Variants in SEM1 observed in about 807,000 individuals in gnomAD.
SEM1 encodes the protein SEM1 26S proteasome subunit.
Under a neutral mutation model 12.7 loss-of-function variants are expected in SEM1, and 3 were observed. The observed-to-expected ratio is 0.24, with a 90% CI of 0.11 to 0.61. The LOEUF (loss-of-function observed/expected upper bound fraction) is 0.61, where lower values mean the gene tolerates loss of function less well. Ranked by LOEUF, SEM1 falls within the 20% of genes least tolerant of loss-of-function variation. SEM1 has a pLI of 0.88. For synonymous variants in SEM1, 30 were observed against 27.8 expected (o/e 1.08, Z -0.25); for missense variants, 59 against 81.3 (o/e 0.73, Z 1.06).
chr7:96,687,177 C>T (rs1226474052), downstream of SEM1, among the ~76,000 whole-genome samples: 1 of 152,144 alleles, frequency 6.6e-6, no homozygotes, highest in Admixed American at 6.5e-5. Context: ...AACACTTTTA[C>T]ACTGTTGGTG....
At chr7:96,518,128 A>G (rs1285906516) in intron 2 of SEM1, among the ~76,000 whole-genome samples, 1 of 152,172 alleles carries the variant, frequency 6.6e-6, no homozygotes, top group Non-Finnish European at 1.5e-5. Context: ...AGTTTACGTA[A>G]TCTGCATAGA....
chr7:96,626,470 A>T (rs1159952721), intron 2 of SEM1, among the ~76,000 whole-genome samples: 1 of 151,986 alleles, frequency 6.6e-6, no homozygotes, highest in African/African-American at 2.4e-5. Context: ...GGCTTTTATT[A>T]TGTTAAGGTA....
intron 2 of SEM1, among the ~76,000 whole-genome samples, chr7:96,575,030 G>C (rs942863878): frequency 6.6e-6 from 1 of 152,150 alleles, no homozygotes; most frequent in Non-Finnish European, 1.5e-5. Context: ...TGATCCTTTG[G>C]TGGAGAAGAG....
chr7:96,555,632 G>A (rs1290530541), intron 2 of SEM1, among the ~76,000 whole-genome samples: 1 of 143,734 alleles, frequency 7.0e-6, no homozygotes, highest in Non-Finnish European at 1.5e-5. Context: ...TTTTGGAATA[G>A]GTGTGGTGCG....
At position 96,709,822 on chromosome 7, in the gene SEM1, T is replaced by A. The variant is rs1790596612; in HGVS notation, c.-59A>T. The stretch of plus-strand genomic sequence containing the variant: ...GCAGAAAAGTTGGAACCCTCACTCT[T>A]CCTCAAGGAAACGCCACCGTCACTA... On this transcript the variant is annotated 5_prime_UTR_variant, in exon 1 of 3. Transcript: ENST00000248566. The A allele has an allele frequency of 2.6e-6, 4 of 1,546,956 alleles. No individual in the cohort carries two copies. In the African/African-American group the frequency reaches 5.5e-5, roughly 21 times the overall value.
At chr7:96,687,942 T>C (rs924862319), downstream of SEM1, 4 of 152,184 alleles carry the variant, frequency 2.6e-5, no homozygotes, top group Non-Finnish European at 5.9e-5. Flanking sequence ...AACATATTTA[T>C]GCTCAAAATC....
chr7:96,550,228 C>G (rs1414486634), intron 2 of SEM1, among the ~76,000 whole-genome samples: 2 of 152,014 alleles, frequency 1.3e-5, no homozygotes, highest in African/African-American at 4.8e-5. Flanking sequence ...AGAGTTAATA[C>G]AGAAAACACT....
At chr7:96,697,709 A>T (rs990667155) in intron 1 of SEM1, among the ~76,000 whole-genome samples, 59 of 152,264 alleles carry the variant, frequency 3.9e-4, no homozygotes, top group Middle Eastern at 3.4e-3. Flanking sequence ...AAAAATACTA[A>T]ATTGAACATT....
intron 2 of SEM1, among the ~76,000 whole-genome samples, chr7:96,636,381 G>C (rs1207370648): frequency 1.3e-5 from 2 of 151,954 alleles, no homozygotes. Flanking sequence ...CGTTACTAGA[G>C]TGGTAAGGCA....
At chr7:96,623,788 T>C (rs1209139198) in intron 2 of SEM1, among the ~76,000 whole-genome samples, 1 of 152,082 alleles carries the variant, frequency 6.6e-6, no homozygotes, top group Non-Finnish European at 1.5e-5. Context: ...AAATTTATTA[T>C]CTCAAAGTTC....
chr7:96,666,704 G>A (rs1789182226), intron 2 of SEM1, among the ~76,000 whole-genome samples: 1 of 143,718 alleles, frequency 7.0e-6, no homozygotes, highest in Non-Finnish European at 1.5e-5. Context: ...CCTGAGGCTT[G>A]CCCTCTAGGA....
At chr7:96,706,193 TG>T (rs1790456540) in intron 1 of SEM1, 1 of 152,108 alleles carries the variant, frequency 6.6e-6, no homozygotes, top group African/African-American at 2.4e-5. Context: ...GGCTATAGAA[TG>T]GGGGAAAAAA....
At chr7:96,654,401 G>A (rs1054160349) in intron 2 of SEM1, among the ~76,000 whole-genome samples, 3 of 152,154 alleles carry the variant, frequency 2.0e-5, no homozygotes, top group South Asian at 2.1e-4. Context: ...AACTTATGAT[G>A]GTTCAACTTA....
chr7:96,569,685 A>G (rs993499043), intron 2 of SEM1, among the ~76,000 whole-genome samples: 14 of 152,054 alleles, frequency 9.2e-5, no homozygotes, highest in African/African-American at 2.7e-4. Context: ...TAATTTTTCA[A>G]CCTTCACCTT....
At chr7:96,516,346 G>C (rs983013210) in intron 2 of SEM1, among the ~76,000 whole-genome samples, 17 of 152,126 alleles carry the variant, frequency 1.1e-4, no homozygotes, top group African/African-American at 3.6e-4. Context: ...TCTGATAAAA[G>C]AGTGTTATCC....
intron 2 of SEM1, among the ~76,000 whole-genome samples, chr7:96,537,965 T>C (rs186142967): frequency 6.6e-6 from 1 of 151,812 alleles, no homozygotes; most frequent in Non-Finnish European, 1.5e-5. Context: ...GGTTCTATTC[T>C]GTTTGTTTTC....
intron 2 of SEM1, among the ~76,000 whole-genome samples, chr7:96,543,126 G>A (rs576683356): frequency 6.6e-6 from 1 of 151,866 alleles, no homozygotes; most frequent in Admixed American, 6.6e-5. Flanking sequence ...CACATTTGTG[G>A]GTTCCACATG....
intron 2 of SEM1, among the ~76,000 whole-genome samples, chr7:96,581,070 G>A (rs147605386): frequency 0.013 from 1,996 of 152,146 alleles, 39 homozygotes; most frequent in African/African-American, 0.046. Context: ...ATGGTAATGC[G>A]TAGGTTTTCT....
At chr7:96,677,766 G>A (rs1241485808) in intron 2 of SEM1, among the ~76,000 whole-genome samples, 5 of 151,940 alleles carry the variant, frequency 3.3e-5, no homozygotes, top group Admixed American at 3.3e-4. Context: ...GAAAGAGGGT[G>A]GGGAAGGGGA....
Sources: allele counts gnomAD v4.1 joint callset (sites outside exome capture counted in the v4.1 genomes callset), GRCh38; gene constraint gnomAD v4.1.1; transcripts MANE v1.5; gene names NCBI Gene and HGNC (gene_info 2026-07-23, HGNC 2026-07-21).